Variants in EPB41L4A observed in about 807,000 individuals in gnomAD.
EPB41L4A encodes the protein band 4.1-like protein 4A.
In EPB41L4A, 100 loss-of-function variants were observed where a neutral mutation model predicts 108.6. That is an observed-to-expected ratio of 0.92 (90% CI 0.78 to 1.09). The LOEUF is 1.09. Ranked by LOEUF, EPB41L4A falls within the 50% of genes least tolerant of loss-of-function variation. The pLI, the probability that EPB41L4A is intolerant of heterozygous loss-of-function variation, is 0.00. For missense variants in EPB41L4A, 1,030 were observed against 842.7 expected, an observed-to-expected ratio of 1.22 and a Z score of -2.75; for synonymous variants, 319 against 289.0, an observed-to-expected ratio of 1.10 and a Z score of -1.05.
At chr5:112,143,319 G>A (rs545974885) in exon 14 of EPB41L4A, 4 of 152,192 alleles carry the variant, frequency 2.6e-5, no homozygotes, top group Non-Finnish European at 4.4e-5. Flanking sequence ...AAAAAAATAT[G>A]TAATGCACTT....
chr5:112,413,980 T>C (rs2112828241), intron 1 of EPB41L4A, among the ~76,000 whole-genome samples: 2 of 152,310 alleles, frequency 1.3e-5, no homozygotes, highest in South Asian at 4.1e-4. Flanking sequence ...TGGGTGCTTA[T>C]CATGTGCAAG....
chr5:112,322,521 C>T (rs973087909), intron 1 of EPB41L4A, among the ~76,000 whole-genome samples: 11 of 152,108 alleles, frequency 7.2e-5, no homozygotes, highest in African/African-American at 2.4e-5. Flanking sequence ...AAATCTAAGT[C>T]GGTTCTACTT....
intron 1 of EPB41L4A, among the ~76,000 whole-genome samples, chr5:112,321,205 G>A (rs1346603847): frequency 6.6e-6 from 1 of 152,204 alleles, no homozygotes; most frequent in Non-Finnish European, 1.5e-5. Flanking sequence ...GAGAGATGTT[G>A]CCAGATCAGG....
chr5:112,404,202 CTATA>C (rs1761949956), intron 1 of EPB41L4A, among the ~76,000 whole-genome samples: 1 of 152,206 alleles, frequency 6.6e-6, no homozygotes, highest in South Asian at 2.1e-4. Context: ...CATTATATGA[CTATA>C]TAATAATGGC....
At chr5:112,149,886 G>T (rs1001081320) in intron 12 of EPB41L4A, among the ~76,000 whole-genome samples, 3 of 152,062 alleles carry the variant, frequency 2.0e-5, no homozygotes, top group Non-Finnish European at 2.9e-5. Context: ...GGCTTCATAG[G>T]GCCACTTGGG....
intron 17 of EPB41L4A, among the ~76,000 whole-genome samples, chr5:112,188,500 G>T (rs1166648882): frequency 1.3e-5 from 2 of 152,096 alleles, no homozygotes; most frequent in African/African-American, 4.8e-5. Context: ...TAATGTAACA[G>T]CATTCCTCAG....
chr5:112,368,024 C>G (rs953660937), intron 1 of EPB41L4A, among the ~76,000 whole-genome samples: 3 of 152,148 alleles, frequency 2.0e-5, no homozygotes, highest in African/African-American at 7.2e-5. Flanking sequence ...TTGTACTGAC[C>G]TTATCAAAAT....
chr5:112,226,110 T>A (rs1480823967), intron 12 of EPB41L4A, among the ~76,000 whole-genome samples: 1 of 152,222 alleles, frequency 6.6e-6, no homozygotes, highest in Non-Finnish European at 1.5e-5. Context: ...GCTCCAATCC[T>A]GCTCTCAGAT....
At chr5:112,161,689 TAATTTTTGTTC>T, downstream of EPB41L4A, 1 of 494,932 alleles carries the variant, frequency 2.0e-6, no homozygotes, top group East Asian at 5.5e-5. Flanking sequence ...TAGCCAGTTC[TAATTTTTGTTC>T]AGGTGGAAGA....
chr5:112,381,655 C>G (rs1177483927), intron 1 of EPB41L4A, among the ~76,000 whole-genome samples: 1 of 152,254 alleles, frequency 6.6e-6, no homozygotes, highest in Non-Finnish European at 1.5e-5. Context: ...GGCTGAGTTG[C>G]AGAAGCAACG....
intron 12 of EPB41L4A, among the ~76,000 whole-genome samples, chr5:112,232,514 C>A (rs1749029307): frequency 1.3e-5 from 2 of 152,124 alleles, no homozygotes; most frequent in Admixed American, 1.3e-4. Context: ...TTCCTTCCAG[C>A]CCAACAAGAG....
At chr5:112,294,505 TA>T (rs1254708469) in intron 2 of EPB41L4A, among the ~76,000 whole-genome samples, 4 of 152,136 alleles carry the variant, frequency 2.6e-5, no homozygotes, top group Non-Finnish European at 4.4e-5. Flanking sequence ...GTTGTATTTG[TA>T]ATATGTGATA....
At chr5:112,213,899 G>A (rs1747424697) in intron 12 of EPB41L4A, among the ~76,000 whole-genome samples, 1 of 152,198 alleles carries the variant, frequency 6.6e-6, no homozygotes, top group Admixed American at 6.5e-5. Context: ...TCTAAAAGCA[G>A]TAAATATACT....
chr5:112,166,440 C>A (rs1220976659), intron 22 of EPB41L4A, among the ~76,000 whole-genome samples: 1 of 152,158 alleles, frequency 6.6e-6, no homozygotes, highest in Non-Finnish European at 1.5e-5. Flanking sequence ...GTTGGTCTTT[C>A]AGCTCCTCAA....
intron 1 of EPB41L4A, among the ~76,000 whole-genome samples, chr5:112,377,726 G>A (rs898461922): frequency 9.2e-5 from 14 of 152,044 alleles, no homozygotes; most frequent in African/African-American, 3.4e-4. Context: ...TACTCTCTTT[G>A]TTCTCTTGCA....
At chr5:112,161,714 A>G (rs1759918555), downstream of EPB41L4A, 5 of 477,092 alleles carry the variant, frequency 1.0e-5, no homozygotes, top group Non-Finnish European at 2.1e-5. Context: ...TGGAAGATGG[A>G]TGCCTGAAGT....
chr5:112,345,619 G>A (rs1757587192), intron 1 of EPB41L4A, among the ~76,000 whole-genome samples: 1 of 151,958 alleles, frequency 6.6e-6, no homozygotes, highest in Admixed American at 6.6e-5. Flanking sequence ...AATACAGTTT[G>A]GTGAGTTTCA....
At chr5:112,143,258 G>A (rs563301259) in exon 14 of EPB41L4A, 95 of 152,270 alleles carry the variant, frequency 6.2e-4, no homozygotes, top group African/African-American at 2.3e-3. Context: ...TAGTCATACA[G>A]TTATAGCAAA....
At chr5:112,205,902 C>T (rs1438133486) in intron 13 of EPB41L4A, 2 of 176,042 alleles carry the variant, frequency 1.1e-5, no homozygotes, top group Non-Finnish European at 1.2e-5. Flanking sequence ...ATCAGAGAAG[C>T]CCTTACTCCA....
Sources: gnomAD v4.1 joint callset for allele counts (sites outside exome capture counted in the v4.1 genomes callset) on GRCh38, gnomAD v4.1.1 for gene constraint, MANE v1.5 for transcripts, NCBI Gene and HGNC (gene_info 2026-07-23, HGNC 2026-07-21) for gene names.